The following HMSD variants were observed in gnomAD, a reference collection of about 807,000 sequenced individuals.
HMSD encodes histocompatibility minor serpin domain containing.
HMSD carries 13 observed loss-of-function variants against 10.0 expected under a neutral mutation model. The ratio of observed to expected loss-of-function variants is 1.31; its 90% CI spans 0.85 to 2.08. The LOEUF is 2.08. Among genes scored for constraint, HMSD ranks in the 30% most tolerant of loss-of-function variants. HMSD has a pLI of 0.00. For synonymous variants in HMSD, 51 were observed against 54.2 expected, an observed-to-expected ratio of 0.94 and a Z score of 0.26; for missense variants, 169 against 166.3, an observed-to-expected ratio of 1.02 and a Z score of -0.09.
downstream of HMSD, chr18:63,966,339 T>C (rs2050409645): frequency 6.6e-6 from 1 of 152,232 alleles, no homozygotes; most frequent in Non-Finnish European, 1.5e-5. Context: ...GTAAAATTGA[T>C]TCATTAACTC....
At chr18:63,963,133 C>CTTTCTTTCTTTCTTTCTTTCTTTCTTTT (rs748638278), downstream of HMSD, among the ~76,000 whole-genome samples, 58 of 108,408 alleles carry the variant, frequency 5.4e-4, 1 homozygote, top group African/African-American at 1.8e-3. Context: ...TTCTTTCTTT[C>CTTTCTTTCTTTCTTTCTTTCTTTCTTTT]CTTTCTTTCT....
intron 3 of HMSD, chr18:63,968,229 A>G (rs2050419534): frequency 6.6e-6 from 1 of 152,254 alleles, no homozygotes; most frequent in Non-Finnish European, 1.5e-5. Flanking sequence ...CACTGCAGGC[A>G]ATGGTACCCT....
chr18:63,969,172 T>G (rs934486046), intron 3 of HMSD, among the ~76,000 whole-genome samples: 5 of 152,238 alleles, frequency 3.3e-5, no homozygotes, highest in Non-Finnish European at 5.9e-5. Context: ...GTAAATAATT[T>G]GCTATGGCTC....
At chr18:63,958,207 C>A (rs74532158) in intron 3 of HMSD, among the ~76,000 whole-genome samples, 3 of 152,278 alleles carry the variant, frequency 2.0e-5, no homozygotes, top group African/African-American at 4.8e-5. Flanking sequence ...GGTGATATTT[C>A]ATCAGGACTT....
At chr18:63,964,813 C>A (rs1489050003), downstream of HMSD, among the ~76,000 whole-genome samples, 1 of 152,184 alleles carries the variant, frequency 6.6e-6, no homozygotes, top group Non-Finnish European at 1.5e-5. Flanking sequence ...GCCCTATCTC[C>A]AGAAACTATC....
chr18:63,965,887 G>A (rs530330517), downstream of HMSD, among the ~76,000 whole-genome samples: 25 of 152,286 alleles, frequency 1.6e-4, no homozygotes, highest in Middle Eastern at 3.4e-3. Flanking sequence ...CTCAGGAGGC[G>A]GAGGTTGCAG....
rs1189667841 is a variant in HMSD at position 63,958,747 on chromosome 18, A to G, written c.223-1411A>G. Among the ~76,000 whole-genome samples, 4 of 152,142 alleles carry G rather than the reference A, an allele frequency of 2.6e-5. No individual in the cohort carries two copies. The East Asian group carries it at 7.7e-4, about 29-fold the overall frequency. Reference sequence around the variant, plus strand: ...GCTATTAATATATTTCAAGTGCTCAATAGCCTATGTGGCACCGCTCTGGAC... The same window carrying G: ...GCTATTAATATATTTCAAGTGCTCAGTAGCCTATGTGGCACCGCTCTGGAC... On this transcript the variant is annotated intron_variant, in intron 3 of 3. Transcript: ENST00000408945.
intron 1 of HMSD, among the ~76,000 whole-genome samples, chr18:63,951,028 G>A (rs7226544): frequency 0.012 from 1,897 of 152,292 alleles, 40 homozygotes; most frequent in African/African-American, 0.043. Context: ...TGGGGTGCTA[G>A]AAATAAGTTT....
At chr18:63,950,959 C>T (rs1407286775) in intron 1 of HMSD, among the ~76,000 whole-genome samples, 1 of 152,004 alleles carries the variant, frequency 6.6e-6, no homozygotes. Flanking sequence ...TACCATCACC[C>T]TAGGAAATAT....
intron 3 of HMSD, among the ~76,000 whole-genome samples, chr18:63,956,625 C>A (rs899728304): frequency 6.6e-6 from 1 of 152,116 alleles, no homozygotes; most frequent in African/African-American, 2.4e-5. Context: ...TTCCATGCGG[C>A]TGGTGGGAAT....
intron 2 of HMSD, among the ~76,000 whole-genome samples, 181 bp downstream of exon 2, chr18:63,953,708 C>T (rs560488526): frequency 5.0e-4 from 76 of 152,290 alleles, no homozygotes; most frequent in Middle Eastern, 3.4e-3. Context: ...TCTTGGTGAC[C>T]TGGGGTCACT....
downstream of HMSD, among the ~76,000 whole-genome samples, chr18:63,963,776 C>T (rs909543255): frequency 6.6e-6 from 1 of 152,290 alleles, no homozygotes; most frequent in South Asian, 2.1e-4. Context: ...AAACCTGGAT[C>T]CTGTAACAAG....
chr18:63,953,094 T>A (rs1176872217), intron 1 of HMSD, among the ~76,000 whole-genome samples: 1 of 152,176 alleles, frequency 6.6e-6, no homozygotes, highest in Non-Finnish European at 1.5e-5. Flanking sequence ...AGTTGAGTGA[T>A]CTCAGGCACA....
At chr18:63,950,715 AAG>A (rs1555708690) in intron 1 of HMSD, among the ~76,000 whole-genome samples, 2,503 of 151,320 alleles carry the variant, frequency 0.017, 74 homozygotes, top group African/African-American at 0.058. Context: ...TGGCAAAAAA[AAG>A]AAAAAAGCAA....
chr18:63,968,353 A>G (rs923961685), intron 3 of HMSD: 1 of 152,278 alleles, frequency 6.6e-6, no homozygotes, highest in South Asian at 2.1e-4. Flanking sequence ...AAGGGAACGA[A>G]GAAACACCAC....
At chr18:63,963,101 C>CTT (rs1187189535), downstream of HMSD, among the ~76,000 whole-genome samples, 1 of 133,030 alleles carries the variant, frequency 7.5e-6, no homozygotes, top group East Asian at 2.0e-4. Flanking sequence ...TTCTTTCTTT[C>CTT]TTTCTTTCTT....
chr18:63,954,986 G>A (rs192166269), intron 3 of HMSD, among the ~76,000 whole-genome samples: 58 of 152,290 alleles, frequency 3.8e-4, no homozygotes, highest in Non-Finnish European at 7.4e-4. Flanking sequence ...GGTTGCATTC[G>A]CTGACAATGC....
At chr18:63,950,835 GGTCA>G (rs749375533) in intron 1 of HMSD, among the ~76,000 whole-genome samples, 12 of 152,192 alleles carry the variant, frequency 7.9e-5, no homozygotes, top group Non-Finnish European at 1.6e-4. Flanking sequence ...AGCAGTGTCA[GGTCA>G]GTCAGAGCCC....
chr18:63,960,944 C>T lies in HMSD; in HGVS notation c.*589C>T, dbSNP rs2050383195. 6.6e-6 allele frequency: 1 copy of T among 152,496 alleles called. No individual in the cohort carries two copies. Among genetic ancestry groups the T allele is most frequent in the Non-Finnish European group, 1.5e-5 (1 of 68,310 alleles). 9.4% of individuals were successfully genotyped at this position (152,496 alleles called of 1,614,324 possible). ...CAGAGGTTGCCGGGTTTGCTACTCT[C>T]ATTCCTCTTCCTCCTCTGCCCAACA... On this transcript the variant is annotated 3_prime_UTR_variant, in exon 4 of 4. Transcript: ENST00000408945.
Sources: gnomAD v4.1 joint callset for allele counts (sites outside exome capture counted in the v4.1 genomes callset) on GRCh38, gnomAD v4.1.1 for gene constraint, MANE v1.5 for transcripts, NCBI Gene and HGNC (gene_info 2026-07-23, HGNC 2026-07-21) for gene names.